The following MAP4K3 variants were observed in gnomAD, a reference collection of about 807,000 sequenced individuals.
The protein encoded by MAP4K3 is mitogen-activated protein kinase kinase kinase kinase 3.
MAP4K3 carries 94 observed loss-of-function variants against 143.5 expected under a neutral mutation model. The ratio of observed to expected loss-of-function variants is 0.65; its 90% CI spans 0.55 to 0.78. MAP4K3 has a LOEUF of 0.78. Ranked by LOEUF, MAP4K3 falls within the 30% of genes least tolerant of loss-of-function variation. The probability of loss-of-function intolerance (pLI) is 0.00; values close to 1 mark genes in which losing one functional copy is unlikely to be tolerated. For missense variants in MAP4K3, 1,077 were observed against 1,068.1 expected (o/e 1.01, Z -0.12); for synonymous variants, 416 against 347.2 (o/e 1.20, Z -2.20).
intron 3 of MAP4K3, among the ~76,000 whole-genome samples, chr2:39,352,923 A>G (rs1203219273): frequency 2.0e-5 from 3 of 152,208 alleles, no homozygotes; most frequent in African/African-American, 4.8e-5. Flanking sequence ...TAGAAGGAAG[A>G]ATGTTGCAAT....
intron 24 of MAP4K3, among the ~76,000 whole-genome samples, chr2:39,277,725 C>A (rs1429116644): frequency 6.6e-6 from 1 of 151,940 alleles, no homozygotes; most frequent in African/African-American, 2.4e-5. Flanking sequence ...CCACCATGCC[C>A]AGCTAATTTT....
At chr2:39,369,059 C>T (rs1271737671) in intron 2 of MAP4K3, among the ~76,000 whole-genome samples, 1 of 152,140 alleles carries the variant, frequency 6.6e-6, no homozygotes, top group African/African-American at 2.4e-5. Context: ...CATGTCTTCT[C>T]ACCAGCAGGG....
At chr2:39,418,010 G>C (rs1434597091) in intron 1 of MAP4K3, among the ~76,000 whole-genome samples, 4 of 152,084 alleles carry the variant, frequency 2.6e-5, no homozygotes, top group African/African-American at 9.7e-5. Flanking sequence ...AGACCATCCT[G>C]GCCAACATGG....
chr2:39,411,797 T>C (rs572627746), intron 1 of MAP4K3, among the ~76,000 whole-genome samples: 1 of 152,316 alleles, frequency 6.6e-6, no homozygotes, highest in South Asian at 2.1e-4. Context: ...GGAAAGTGAC[T>C]AAACGTAATG....
intron 31 of MAP4K3, among the ~76,000 whole-genome samples, chr2:39,256,538 G>C (rs191002346): frequency 6.6e-6 from 1 of 152,236 alleles, no homozygotes; most frequent in African/African-American, 2.4e-5. Flanking sequence ...ACTTGGTATT[G>C]TGTATTACAT....
chr2:39,295,632 T>C lies in MAP4K3; in HGVS notation c.1179-2364A>G, dbSNP rs190947628. Among the ~76,000 whole-genome samples, 14 of 151,898 alleles carry C rather than the reference T, an allele frequency of 9.2e-5. No homozygotes were observed. In the East Asian group the frequency reaches 2.5e-3, roughly 27 times the overall value. ...TTTTTTGAGATATTTCTTTTTACAA[T>C]AGAAAATATTAGGATTTGAATACAG... On this transcript the variant is annotated intron_variant, in intron 16 of 33. Coordinates refer to ENST00000263881, the MANE Select transcript of MAP4K3 (RefSeq NM_003618.4).
chr2:39,251,009 A>C (rs1337671908), intron 33 of MAP4K3, among the ~76,000 whole-genome samples: 1 of 152,222 alleles, frequency 6.6e-6, no homozygotes, highest in Non-Finnish European at 1.5e-5. Context: ...AACGATTTGC[A>C]GTTCAAGAAC....
chr2:39,280,280 T>G lies in MAP4K3; in HGVS notation c.1706A>C (p.Asp569Ala), dbSNP rs1162891408. ...IHCASSWINPDTRDQYLIFGA... is the reference protein window; with the variant it reads ...IHCASSWINPATRDQYLIFGA... Reference sequence around the variant, plus strand: ...AAAACACACAATACTACCTCTTGTATCTGGGTTTATCCATGATGATGCACA... The same window carrying G: ...AAAACACACAATACTACCTCTTGTAGCTGGGTTTATCCATGATGATGCACA... Residue 569 changes from aspartate (D) to alanine (A), a missense_variant, in exon 23 of 34, where the codon GAT (aspartate) becomes GCT (alanine). Physicochemically the swap from Asp to Ala is moderately radical, Grantham distance 126. Coordinates refer to ENST00000263881, the MANE Select transcript of MAP4K3 (RefSeq NM_003618.4). 1.9e-6 allele frequency: 3 copies of G among 1,572,312 alleles called. No individual in the cohort carries two copies. Among genetic ancestry groups the G allele is most frequent in the Non-Finnish European group, 2.6e-6 (3 of 1,155,008 alleles).
At chr2:39,398,570 G>A (rs1405659919) in intron 1 of MAP4K3, among the ~76,000 whole-genome samples, 3 of 151,540 alleles carry the variant, frequency 2.0e-5, no homozygotes, top group Non-Finnish European at 4.4e-5. Context: ...ATTTTGAAAC[G>A]TAAATAAACG....
intron 1 of MAP4K3, among the ~76,000 whole-genome samples, chr2:39,416,299 T>C (rs995355340): frequency 6.6e-6 from 1 of 151,958 alleles, no homozygotes; most frequent in African/African-American, 2.4e-5. Flanking sequence ...AGATAAGATG[T>C]TTCTGGCATG....
At chr2:39,262,498 A>C (rs566137473) in intron 28 of MAP4K3, among the ~76,000 whole-genome samples, 51 of 152,328 alleles carry the variant, frequency 3.3e-4, no homozygotes, top group African/African-American at 1.2e-3. Flanking sequence ...CAGAAAAAAA[A>C]CCAATGCTTC....
chr2:39,364,814 G>C (rs982078711), intron 2 of MAP4K3, among the ~76,000 whole-genome samples: 1 of 147,744 alleles, frequency 6.8e-6, no homozygotes, highest in Non-Finnish European at 1.5e-5. Flanking sequence ...CTTGCAGTGA[G>C]CCAGGATGGT....
chr2:39,267,819 C>G (rs1488671860), intron 26 of MAP4K3, among the ~76,000 whole-genome samples: 3 of 151,738 alleles, frequency 2.0e-5, no homozygotes, highest in Admixed American at 2.0e-4. Context: ...TTAAGAAATA[C>G]AAAAACAACA....
chr2:39,312,053 T>C (rs188116755), intron 13 of MAP4K3, among the ~76,000 whole-genome samples: 3 of 152,334 alleles, frequency 2.0e-5, no homozygotes, highest in East Asian at 1.9e-4. Flanking sequence ...TATTGTCTTA[T>C]AAGATTTAAA....
intron 15 of MAP4K3, among the ~76,000 whole-genome samples, chr2:39,300,962 G>T (rs1472681432): frequency 6.6e-6 from 1 of 152,174 alleles, no homozygotes; most frequent in African/African-American, 2.4e-5. Flanking sequence ...ATAAATGCTT[G>T]TTCAAATGCC....
intron 1 of MAP4K3, among the ~76,000 whole-genome samples, chr2:39,406,296 G>T (rs566080978): frequency 5.1e-4 from 78 of 152,280 alleles, no homozygotes; most frequent in African/African-American, 1.7e-3. Flanking sequence ...GGTAGAGAAA[G>T]AGACAGGGGT....
chr2:39,412,316 T>C (rs1242103794), intron 1 of MAP4K3, among the ~76,000 whole-genome samples: 1 of 152,210 alleles, frequency 6.6e-6, no homozygotes, highest in Non-Finnish European at 1.5e-5. Flanking sequence ...AACAGCTCAC[T>C]GTAGCAATTA....
chr2:39,261,557 C>A (rs1030587596), intron 28 of MAP4K3, among the ~76,000 whole-genome samples: 1 of 152,142 alleles, frequency 6.6e-6, no homozygotes, highest in Non-Finnish European at 1.5e-5. Context: ...GTGGCATAGC[C>A]AGACTAGTTA....
intron 26 of MAP4K3, among the ~76,000 whole-genome samples, chr2:39,269,875 A>T (rs77543394): frequency 6.6e-6 from 1 of 152,192 alleles, no homozygotes; most frequent in South Asian, 2.1e-4. Flanking sequence ...GTTTTACATT[A>T]TAACTTACAA....
Sources: allele counts gnomAD v4.1 joint callset (sites outside exome capture counted in the v4.1 genomes callset), GRCh38; gene constraint gnomAD v4.1.1; transcripts MANE v1.5; gene names NCBI Gene and HGNC (gene_info 2026-07-23, HGNC 2026-07-21).